Variants in CALN1 observed in about 807,000 individuals in gnomAD.
CALN1 encodes the protein calneuron 1.
Under a neutral mutation model 30.6 loss-of-function variants are expected in CALN1, and 17 were observed. That is an observed-to-expected ratio of 0.56 (90% CI 0.38 to 0.83). The LOEUF (loss-of-function observed/expected upper bound fraction) is 0.83. CALN1 is among the 40% of genes least tolerant of loss of function. The pLI, the probability that CALN1 is intolerant of heterozygous loss-of-function variation, is 0.00. For synonymous variants in CALN1, 156 were observed against 131.4 expected (o/e 1.19, Z -1.28); for missense variants, 291 against 354.9 (o/e 0.82, Z 1.45).
chr7:72,387,238 AGG>A (rs1182688415), intron 2 of CALN1, among the ~76,000 whole-genome samples: 7 of 45,438 alleles, frequency 1.5e-4, no homozygotes, highest in Middle Eastern at 0.017. Flanking sequence ...AAGGGAAGGG[AGG>A]GGAGGGAGGG....
intron 4 of CALN1, among the ~76,000 whole-genome samples, chr7:72,097,354 G>A (rs1316137871): frequency 6.6e-6 from 1 of 152,102 alleles, no homozygotes; most frequent in African/African-American, 2.4e-5. Flanking sequence ...ACATCCCTTA[G>A]GTCTTGAGGA....
intron 1 of CALN1, among the ~76,000 whole-genome samples, chr7:72,430,963 TA>T (rs573793867): frequency 4.2e-5 from 6 of 141,188 alleles, no homozygotes; most frequent in Admixed American, 1.5e-4. Flanking sequence ...GAAGCCAAGC[TA>T]TTTTTTTTTT....
chr7:72,430,335 TTA>T (rs200641799), intron 1 of CALN1, among the ~76,000 whole-genome samples: 4 of 148,762 alleles, frequency 2.7e-5, no homozygotes, highest in Non-Finnish European at 5.9e-5. Context: ...GATATAATAA[TTA>T]TATATATATA....
chr7:72,308,128 C>T (rs1277328803), intron 2 of CALN1, among the ~76,000 whole-genome samples: 1 of 152,082 alleles, frequency 6.6e-6, no homozygotes, highest in Admixed American at 6.5e-5. Context: ...CTTTGGGGGG[C>T]CGAGGCAGGT....
chr7:72,087,472 G>C (rs774259785), intron 4 of CALN1, among the ~76,000 whole-genome samples: 5 of 152,114 alleles, frequency 3.3e-5, no homozygotes, highest in Non-Finnish European at 7.4e-5. Context: ...CTCAGCAACT[G>C]CCCAGCTCTA....
intron 5 of CALN1, among the ~76,000 whole-genome samples, chr7:71,945,434 A>G (rs1796356486): frequency 6.6e-6 from 1 of 152,242 alleles, no homozygotes; most frequent in Non-Finnish European, 1.5e-5. Flanking sequence ...GCAGAGTGCC[A>G]GTGCTCGAGA....
intron 5 of CALN1, among the ~76,000 whole-genome samples, chr7:71,900,642 A>AC (rs1029223454): frequency 1.3e-5 from 2 of 152,112 alleles, no homozygotes; most frequent in Non-Finnish European, 2.9e-5. Context: ...TAGCACAAGG[A>AC]CCCCAGTCAG....
rs541723185 is a variant in CALN1 at position 72,268,143 on chromosome 7, GTGA to G, written c.244+10540_244+10542del. ...AGTAAGCACTCAATAAGCTTTAGCTGTGATGATGATTATGATGATGACAACAGT... is the reference window on the plus strand; with the variant it reads ...AGTAAGCACTCAATAAGCTTTAGCTGTGATGATTATGATGATGACAACAGT... On this transcript the variant is annotated intron_variant, in intron 3 of 6. Transcript: ENST00000395275. Among the ~76,000 whole-genome samples, 154 of 152,308 alleles carry G rather than the reference GTGA, an allele frequency of 1.0e-3. 1 individual carries two copies. In the Middle Eastern group the frequency reaches 0.01, roughly 10 times the overall value.
intron 2 of CALN1, among the ~76,000 whole-genome samples, chr7:72,290,223 T>C (rs1798386869): frequency 6.6e-6 from 1 of 151,436 alleles, no homozygotes; most frequent in African/African-American, 2.4e-5. Context: ...AGCATGTCAC[T>C]GGCTGTTTCC....
At chr7:72,145,525 C>T (rs1452646437) in intron 3 of CALN1, among the ~76,000 whole-genome samples, 3 of 152,102 alleles carry the variant, frequency 2.0e-5, no homozygotes, top group South Asian at 2.1e-4. Context: ...GATTCACAGC[C>T]GAATTCTACC....
chr7:72,490,406 T>C, the CALN1 span, among the ~76,000 whole-genome samples: 1 of 152,126 alleles, frequency 6.6e-6, no homozygotes, highest in African/African-American at 2.4e-5. Flanking sequence ...CAGACGCGGA[T>C]TTTCATCTCC....
In CALN1 at chr7:72,341,012, GTCTTT is replaced by G. The variant is rs1412093973; in HGVS notation, c.120-62207_120-62203del. Among the ~76,000 whole-genome samples, 124 of 152,272 alleles carry G rather than the reference GTCTTT, an allele frequency of 8.1e-4. 2 individuals are homozygous for G. The highest frequency in any genetic ancestry group is 7.6e-4 in the Non-Finnish European group (52 of 68,026). On this transcript the variant is annotated intron_variant, in intron 2 of 6. Coordinates refer to ENST00000395275, the MANE Select transcript of CALN1 (RefSeq NM_031468.4). Reference sequence around the variant, plus strand: ...TTGTAAATTACCCAGTCTCAGCTATGTCTTTATCAGCAATGTGAAAACGAATTCAT... The same window carrying G: ...TTGTAAATTACCCAGTCTCAGCTATGATCAGCAATGTGAAAACGAATTCAT...
At chr7:72,140,536 T>C (rs1014951045) in intron 3 of CALN1, among the ~76,000 whole-genome samples, 2 of 152,178 alleles carry the variant, frequency 1.3e-5, no homozygotes, top group Non-Finnish European at 2.9e-5. Flanking sequence ...TCCCTCTCCC[T>C]CCTATCAAAG....
intron 5 of CALN1, among the ~76,000 whole-genome samples, chr7:71,972,402 G>A (rs1797892689): frequency 6.6e-6 from 1 of 152,140 alleles, no homozygotes; most frequent in Non-Finnish European, 1.5e-5. Flanking sequence ...ATCCTTTGGA[G>A]GTCTGATCCA....
intron 5 of CALN1, among the ~76,000 whole-genome samples, chr7:71,954,423 G>A (rs1796854730): frequency 6.6e-6 from 1 of 152,074 alleles, no homozygotes. Context: ...TCGTGCCACT[G>A]TGCTCCAGCC....
At chr7:72,406,605 T>TC (rs1355752842) in intron 1 of CALN1, among the ~76,000 whole-genome samples, 4 of 144,380 alleles carry the variant, frequency 2.8e-5, no homozygotes, top group Non-Finnish European at 3.0e-5. Context: ...CACATGAGGG[T>TC]CCTTGTCAGC....
intron 5 of CALN1, among the ~76,000 whole-genome samples, chr7:71,888,642 GA>G (rs563591272): frequency 1.6e-3 from 240 of 152,260 alleles, no homozygotes; most frequent in Admixed American, 4.2e-3. Context: ...GAAGGGAACA[GA>G]AAGCATATGG....
chr7:72,248,600 T>C (rs1795343770), intron 3 of CALN1, among the ~76,000 whole-genome samples: 1 of 152,164 alleles, frequency 6.6e-6, no homozygotes, highest in African/African-American at 2.4e-5. Flanking sequence ...TAAGGACACT[T>C]ATCATTACAT....
intron 5 of CALN1, among the ~76,000 whole-genome samples, chr7:71,902,757 A>G (rs1033476893): frequency 3.9e-5 from 6 of 152,198 alleles, no homozygotes; most frequent in African/African-American, 1.4e-4. Context: ...GAAGTATTGC[A>G]TAAGGAAAAT....
Sources: allele counts gnomAD v4.1 joint callset (sites outside exome capture counted in the v4.1 genomes callset), GRCh38; gene constraint gnomAD v4.1.1; transcripts MANE v1.5; gene names NCBI Gene and HGNC (gene_info 2026-07-23, HGNC 2026-07-21).